The following OSBPL8 variants were observed in gnomAD, a reference collection of about 807,000 sequenced individuals.
OSBPL8 encodes the protein oxysterol-binding protein-related protein 8.
OSBPL8 carries 59 observed loss-of-function variants against 125.5 expected under a neutral mutation model. That is an observed-to-expected ratio of 0.47 (90% CI 0.38 to 0.58). The LOEUF (loss-of-function observed/expected upper bound fraction) is 0.58, where lower values mean the gene tolerates loss of function less well. Among genes scored for constraint, OSBPL8 ranks in the 20% least tolerant of loss-of-function variants. The pLI is 0.00. For synonymous variants in OSBPL8, 330 were observed against 338.9 expected, an observed-to-expected ratio of 0.97 and a Z score of 0.29; for missense variants, 758 against 1,047.8, an observed-to-expected ratio of 0.72 and a Z score of 3.82.
At chr12:76,361,683 C>A (rs1565823505) in intron 21 of OSBPL8, among the ~76,000 whole-genome samples, 1 of 152,142 alleles carries the variant, frequency 6.6e-6, no homozygotes, top group Non-Finnish European at 1.5e-5. Flanking sequence ...TGAAAGGCCC[C>A]CTTTCTTACA....
intron 4 of OSBPL8, among the ~76,000 whole-genome samples, chr12:76,417,037 T>A (rs1414139961): frequency 1.3e-5 from 2 of 152,198 alleles, no homozygotes; most frequent in Non-Finnish European, 2.9e-5. Context: ...AAGAACTTAT[T>A]TACCTCCCTT....
At chr12:76,429,230 T>C (rs1323741835) in intron 4 of OSBPL8, among the ~76,000 whole-genome samples, 2 of 133,432 alleles carry the variant, frequency 1.5e-5, no homozygotes, top group Admixed American at 1.5e-4. Context: ...ATATATTCAT[T>C]GCAAGAAGTA....
chr12:76,491,179 A>T (rs1306547846), intron 1 of OSBPL8, among the ~76,000 whole-genome samples: 1 of 152,182 alleles, frequency 6.6e-6, no homozygotes, highest in Admixed American at 6.5e-5. Flanking sequence ...GAAATATCCT[A>T]CTTCAAAAAG....
intron 2 of OSBPL8, chr12:76,486,145 G>A (rs1878107689): frequency 8.5e-6 from 3 of 353,052 alleles, no homozygotes; most frequent in Non-Finnish European, 1.7e-5. Flanking sequence ...AACTTTTTTT[G>A]ATCATTTAAG....
In OSBPL8 at chr12:76,528,672, T is replaced by TCACA. The variant is rs140199626; in HGVS notation, c.-68+30721_-68+30724dup. On this transcript the variant is annotated intron_variant, in intron 1 of 23. Coordinates refer to ENST00000261183, the MANE Select transcript of OSBPL8 (RefSeq NM_020841.5). ...AAGAAGATAAGGAAGTGTAACAGAA[T>TCACA]CACACACACACACACACCCACACAA... Among the ~76,000 whole-genome samples, 5 of 149,938 alleles carry TCACA rather than the reference T, an allele frequency of 3.3e-5. No homozygotes were observed. The East Asian group carries it at 7.8e-4, about 23-fold the overall frequency.
chr12:76,403,383 T>A (rs1954130096), intron 5 of OSBPL8, among the ~76,000 whole-genome samples: 1 of 152,210 alleles, frequency 6.6e-6, no homozygotes, highest in African/African-American at 2.4e-5. Flanking sequence ...TTTTATTTAA[T>A]CTTCACAAGA....
intron 3 of OSBPL8, among the ~76,000 whole-genome samples, chr12:76,454,410 C>G (rs1873767771): frequency 6.6e-6 from 1 of 152,082 alleles, no homozygotes; most frequent in South Asian, 2.1e-4. Flanking sequence ...TAATTACAGC[C>G]AGGCACAACG....
At chr12:76,420,182 G>A (rs1198605556) in intron 4 of OSBPL8, among the ~76,000 whole-genome samples, 2 of 151,940 alleles carry the variant, frequency 1.3e-5, no homozygotes, top group African/African-American at 4.8e-5. Flanking sequence ...GATTTTATAA[G>A]TATCTACAAA....
intron 1 of OSBPL8, among the ~76,000 whole-genome samples, chr12:76,506,599 T>C (rs1880440974): frequency 6.6e-6 from 1 of 152,280 alleles, no homozygotes; most frequent in Non-Finnish European, 1.5e-5. Flanking sequence ...TTACTCTATA[T>C]GAAAAACAAG....
chr12:76,355,286 G>T lies in OSBPL8; in HGVS notation c.*603C>A, dbSNP rs1450399136. 1.3e-5 allele frequency: 2 copies of T among 152,292 alleles called. No individual in the cohort carries two copies. The highest frequency in any genetic ancestry group is 2.9e-5 in the Non-Finnish European group (2 of 67,918). The allele number at this position is 152,292 out of a possible 1,614,324, so 9.4% of individuals were successfully genotyped here. On this transcript the variant is annotated 3_prime_UTR_variant, in exon 24 of 24. Coordinates refer to ENST00000261183, the MANE Select transcript of OSBPL8 (RefSeq NM_020841.5). Reference sequence around the variant, plus strand: ...AAAACTTATGTAAACTTTTAAAAAAGCAATTTGCCATTTATCTCTCTCGAT... The same window carrying T: ...AAAACTTATGTAAACTTTTAAAAAATCAATTTGCCATTTATCTCTCTCGAT...
At chr12:76,539,684 T>C (rs1272854218) in intron 1 of OSBPL8, among the ~76,000 whole-genome samples, 2 of 152,212 alleles carry the variant, frequency 1.3e-5, no homozygotes, top group Non-Finnish European at 2.9e-5. Flanking sequence ...AGTTAGCAAA[T>C]AATCTCACGA....
chr12:76,466,976 A>C (rs1875520753), intron 2 of OSBPL8, among the ~76,000 whole-genome samples: 1 of 151,976 alleles, frequency 6.6e-6, no homozygotes, highest in African/African-American at 2.4e-5. Flanking sequence ...AAAAAAAAAA[A>C]TCTTTTTTTA....
In OSBPL8 at chr12:76,440,197, T is replaced by C. The variant is rs957327103; in HGVS notation, c.217+10654A>G. ...AAAAATGACTCTCACCCATTAAATT[T>C]CATTCTGCAACTGATAGTTCCAACT... On this transcript the variant is annotated intron_variant, in intron 4 of 23. Transcript: ENST00000261183. Among the ~76,000 whole-genome samples, 3 of 152,172 alleles carry C rather than the reference T, an allele frequency of 2.0e-5. No individual in the cohort carries two copies. In the East Asian group the frequency reaches 5.8e-4, roughly 29 times the overall value.
Position 76,386,208 on chromosome 12 carries a change from T to C in OSBPL8, c.1493A>G (p.His498Arg). Residue 498 changes from histidine (H) to arginine (R), a missense_variant, in exon 14 of 24, where the codon CAT (histidine) becomes CGT (arginine). His to Arg is a conservative substitution (Grantham distance 29). Transcript: ENST00000261183. ...AAAAGTTTTGCTGTTTGTTCTGGGA[T>C]GAATCCATAAACAACGGAAAGTCTC... is the stretch of plus-strand genomic sequence containing the variant. ...LGETFRCLWI[H>R]PRTNSKTFYI... 2 of 1,611,984 alleles carry C rather than the reference T, an allele frequency of 1.2e-6. No individual in the cohort carries two copies. The highest frequency in any genetic ancestry group is 1.7e-6 in the Non-Finnish European group (2 of 1,179,236).
chr12:76,534,352 T>C lies in OSBPL8; in HGVS notation c.-68+25045A>G, dbSNP rs77563209. 6.2e-4 allele frequency: 95 copies of C among 152,314 alleles called. 1 individual carries two copies. In the East Asian group the frequency reaches 0.017, roughly 27 times the overall value. The allele number at this position is 152,314 out of a possible 1,614,324, so 9.4% of individuals were successfully genotyped here. ...TGAAAAGTGTTACAATTTCATTTCC[T>C]GTCAAGTATCAGACGTGGTATTTAA... On this transcript the variant is annotated intron_variant, in intron 1 of 23. Coordinates refer to ENST00000261183, the MANE Select transcript of OSBPL8 (RefSeq NM_020841.5).
At chr12:76,508,499 G>A (rs1254244698) in intron 1 of OSBPL8, among the ~76,000 whole-genome samples, 1 of 152,102 alleles carries the variant, frequency 6.6e-6, no homozygotes, top group Non-Finnish European at 1.5e-5. Flanking sequence ...ATAGGGACTG[G>A]GTAAAATAAG....
intron 1 of OSBPL8, among the ~76,000 whole-genome samples, chr12:76,499,353 CT>C (rs1320666633): frequency 7.4e-5 from 10 of 135,894 alleles, no homozygotes; most frequent in East Asian, 2.1e-4. Flanking sequence ...TATCTATCAT[CT>C]ATCTATCTAT....
At chr12:76,540,932 A>T (rs866599874) in intron 1 of OSBPL8, among the ~76,000 whole-genome samples, 67 of 152,342 alleles carry the variant, frequency 4.4e-4, no homozygotes, top group Middle Eastern at 6.8e-3. Context: ...GAATTATAAA[A>T]TGCATTTAAA....
intron 4 of OSBPL8, chr12:76,422,708 T>C: frequency 4.7e-6 from 2 of 425,844 alleles, no homozygotes; most frequent in Non-Finnish European, 9.6e-6. Flanking sequence ...TAGACCAATA[T>C]GGCAAAGACA....
Sources: allele counts gnomAD v4.1 joint callset (sites outside exome capture counted in the v4.1 genomes callset), GRCh38; gene constraint gnomAD v4.1.1; transcripts MANE v1.5; gene names NCBI Gene and HGNC (gene_info 2026-07-23, HGNC 2026-07-21).